The following TBC1D12 variants were observed in gnomAD, a reference collection of about 807,000 sequenced individuals.
The protein encoded by TBC1D12 is TBC1 domain family member 12, also known as TBC1 domain family, member 12.
In TBC1D12, 56 loss-of-function variants were observed where a neutral mutation model predicts 86.7. That is an observed-to-expected ratio of 0.65 (90% confidence interval 0.52 to 0.81). The LOEUF is 0.81. TBC1D12 is among the 30% of genes least tolerant of loss of function. The pLI is 0.00. For missense variants in TBC1D12, 1,023 were observed against 1,038.8 expected (o/e 0.98, Z 0.21); for synonymous variants, 421 against 411.7 (o/e 1.02, Z -0.27).
At chr10:94,469,737 A>G (rs1292362906) in intron 2 of TBC1D12, among the ~76,000 whole-genome samples, 1 of 152,112 alleles carries the variant, frequency 6.6e-6, no homozygotes, top group Non-Finnish European at 1.5e-5. Context: ...GGTGTGAGCC[A>G]CTGTGCAGGA....
Position 94,483,039 on chromosome 10 carries a change from C to CTT in TBC1D12, c.1211+8273_1211+8274dup, listed in dbSNP as rs71031579. Among the ~76,000 whole-genome samples, 1,146 of 124,572 alleles carry CTT rather than the reference C, an allele frequency of 9.2e-3. 35 individuals carry two copies. The highest frequency in any genetic ancestry group is 0.06 in the East Asian group (255 of 4,266). The allele number at this position is 124,572 out of a possible 152,430, so 81.7% of individuals were successfully genotyped here. ...TCTATATGAACCACATATTCTTCTT[C>CTT]TTTTTTTTTTTTTTTTTTGAGTCAG... On this transcript the variant is annotated intron_variant, in intron 3 of 12. Coordinates refer to ENST00000225235, the MANE Select transcript of TBC1D12 (RefSeq NM_015188.2).
At chr10:94,475,493 C>T (rs372061213) in intron 3 of TBC1D12, among the ~76,000 whole-genome samples, 5 of 152,162 alleles carry the variant, frequency 3.3e-5, no homozygotes, top group East Asian at 3.9e-4. Context: ...TGTAATGGTG[C>T]GATCTCAGCT....
chr10:94,404,594 C>T (rs1211580331), intron 1 of TBC1D12, among the ~76,000 whole-genome samples: 1 of 150,834 alleles, frequency 6.6e-6, no homozygotes, highest in Non-Finnish European at 1.5e-5. Context: ...TGCAGTGAAC[C>T]TAGATCGTGC....
intron 2 of TBC1D12, among the ~76,000 whole-genome samples, chr10:94,444,085 G>GT: frequency 6.6e-6 from 1 of 151,276 alleles, no homozygotes; most frequent in African/African-American, 2.4e-5. Flanking sequence ...CAGGAGAATC[G>GT]CTTGAACCTG....
chr10:94,503,619 A>T (rs906454888), intron 6 of TBC1D12, among the ~76,000 whole-genome samples: 82 of 151,938 alleles, frequency 5.4e-4, no homozygotes, highest in Non-Finnish European at 9.6e-4. Flanking sequence ...TTATTTATTT[A>T]TTTATTTTTA....
At chr10:94,419,546 G>A (rs1306134906) in intron 1 of TBC1D12, among the ~76,000 whole-genome samples, 1 of 152,070 alleles carries the variant, frequency 6.6e-6, no homozygotes, top group African/African-American at 2.4e-5. Flanking sequence ...GGTGGCGCCT[G>A]TAATCCCAGC....
At chr10:94,409,016 AG>A (rs1434439423) in intron 1 of TBC1D12, among the ~76,000 whole-genome samples, 1 of 152,218 alleles carries the variant, frequency 6.6e-6, no homozygotes, top group African/African-American at 2.4e-5. Flanking sequence ...TAAACACAAA[AG>A]TCTATTAGGA....
intron 6 of TBC1D12, among the ~76,000 whole-genome samples, chr10:94,504,766 A>G (rs1307420855): frequency 6.6e-6 from 1 of 152,248 alleles, no homozygotes; most frequent in African/African-American, 2.4e-5. Context: ...GTTATTTGTG[A>G]TAATATAAAA....
At chr10:94,477,850 C>T (rs543686457) in intron 3 of TBC1D12, among the ~76,000 whole-genome samples, 8 of 152,260 alleles carry the variant, frequency 5.3e-5, no homozygotes, top group Admixed American at 1.3e-4. Flanking sequence ...GGGTCTAGAC[C>T]ATGTGGGAGG....
intron 9 of TBC1D12, among the ~76,000 whole-genome samples, chr10:94,512,024 G>A (rs1346324548): frequency 6.6e-6 from 1 of 152,140 alleles, no homozygotes; most frequent in Non-Finnish European, 1.5e-5. Context: ...TGTCCCTAAA[G>A]GATAGGGGAG....
intron 1 of TBC1D12, among the ~76,000 whole-genome samples, chr10:94,438,794 G>T (rs529580274): frequency 7.6e-4 from 112 of 147,720 alleles, no homozygotes; most frequent in Non-Finnish European, 1.5e-3. Context: ...GTTACTCTTA[G>T]TTTTTTTTTT....
chr10:94,451,171 AG>A (rs1004836865), intron 2 of TBC1D12, among the ~76,000 whole-genome samples: 8 of 152,234 alleles, frequency 5.3e-5, no homozygotes, highest in Admixed American at 1.3e-4. Flanking sequence ...AATAGCAAGA[AG>A]GAGGATATTG....
At chr10:94,499,980 G>A (rs996723444) in intron 5 of TBC1D12, among the ~76,000 whole-genome samples, 15 of 152,064 alleles carry the variant, frequency 9.9e-5, no homozygotes, top group African/African-American at 3.6e-4. Context: ...TTCTCTCATT[G>A]ACATTTATAA....
chr10:94,509,918 T>A, intron 7 of TBC1D12, 173 bp from the exon 8 acceptor site: 1 of 549,562 alleles, frequency 1.8e-6, no homozygotes, highest in East Asian at 3.5e-5. Context: ...AGCTATTTTC[T>A]TTGTACAAGA....
chr10:94,440,538 TA>T (rs1167668398), intron 1 of TBC1D12, among the ~76,000 whole-genome samples: 1 of 152,182 alleles, frequency 6.6e-6, no homozygotes, highest in Non-Finnish European at 1.5e-5. Flanking sequence ...CATTTTTCAT[TA>T]AAAACTTATT....
At chr10:94,455,381 A>G (rs2055612433) in intron 2 of TBC1D12, among the ~76,000 whole-genome samples, 1 of 152,132 alleles carries the variant, frequency 6.6e-6, no homozygotes, top group African/African-American at 2.4e-5. Context: ...TAGTTTTGGT[A>G]TTAGAGTAAT....
intron 12 of TBC1D12, among the ~76,000 whole-genome samples, chr10:94,532,130 T>C (rs1589683742): frequency 6.6e-6 from 1 of 152,054 alleles, no homozygotes; most frequent in Admixed American, 6.6e-5. Context: ...TCCACTCGTC[T>C]TGGCCTCCCA....
intron 9 of TBC1D12, among the ~76,000 whole-genome samples, chr10:94,518,554 A>AT (rs1268678080): frequency 6.6e-6 from 1 of 152,086 alleles, no homozygotes; most frequent in African/African-American, 2.4e-5. Flanking sequence ...GAATTTGATT[A>AT]TTTTTTCATG....
At chr10:94,424,604 T>A (rs1339055165) in intron 1 of TBC1D12, among the ~76,000 whole-genome samples, 2 of 152,096 alleles carry the variant, frequency 1.3e-5, no homozygotes, top group African/African-American at 4.8e-5. Context: ...GAGCATGAGA[T>A]GGAGTGTTTT....
Sources: gnomAD v4.1 joint callset for allele counts (sites outside exome capture counted in the v4.1 genomes callset) on GRCh38, gnomAD v4.1.1 for gene constraint, MANE v1.5 for transcripts, NCBI Gene and HGNC (gene_info 2026-07-23, HGNC 2026-07-21) for gene names.